The following LRRC8D variants were observed in gnomAD, a reference collection of about 807,000 sequenced individuals.
LRRC8D encodes volume-regulated anion channel subunit LRRC8D.
In LRRC8D, 20 loss-of-function variants were observed where a neutral mutation model predicts 55.8. The ratio of observed to expected loss-of-function variants is 0.36; its 90% CI spans 0.25 to 0.52. The LOEUF (loss-of-function observed/expected upper bound fraction) is 0.52. Ranked by LOEUF, LRRC8D falls within the 20% of genes least tolerant of loss-of-function variation. The pLI is 0.93. For synonymous variants in LRRC8D, 352 were observed against 377.0 expected, an observed-to-expected ratio of 0.93 and a Z score of 0.77; for missense variants, 651 against 1,030.8, an observed-to-expected ratio of 0.63 and a Z score of 5.05.
intron 2 of LRRC8D, among the ~76,000 whole-genome samples, chr1:89,865,804 C>T (rs1465838422): frequency 6.6e-6 from 1 of 152,142 alleles, no homozygotes; most frequent in Non-Finnish European, 1.5e-5. Context: ...GACATCAACT[C>T]CAAATATATA....
intron 2 of LRRC8D, among the ~76,000 whole-genome samples, chr1:89,884,127 G>A (rs527782495): frequency 4.6e-5 from 7 of 152,262 alleles, no homozygotes; most frequent in African/African-American, 1.4e-4. Flanking sequence ...TTGTTTGAAC[G>A]GCATCTAGTC....
intron 2 of LRRC8D, among the ~76,000 whole-genome samples, chr1:89,863,649 G>C (rs1419345233): frequency 7.6e-6 from 1 of 131,588 alleles, no homozygotes; most frequent in East Asian, 2.0e-4. Context: ...TATTTTCTGT[G>C]GTCTGTGTTA....
intron 2 of LRRC8D, among the ~76,000 whole-genome samples, chr1:89,855,077 G>A (rs1661519393): frequency 6.6e-6 from 1 of 152,050 alleles, no homozygotes; most frequent in Non-Finnish European, 1.5e-5. Context: ...CTCTCTGGTT[G>A]CATTTTCTTT....
At chr1:89,857,382 CAAAAA>C (rs759975883) in intron 2 of LRRC8D, among the ~76,000 whole-genome samples, 6 of 63,042 alleles carry the variant, frequency 9.5e-5, no homozygotes, top group Admixed American at 5.3e-4. Context: ...AACTCCATCT[CAAAAA>C]AAAAAAAAAA....
chr1:89,914,276 C>T (rs1403797763), intron 2 of LRRC8D, among the ~76,000 whole-genome samples: 2 of 152,176 alleles, frequency 1.3e-5, no homozygotes, highest in Admixed American at 6.6e-5. Context: ...CAAGCCCACG[C>T]CCACCCGGAA....
At chr1:89,835,146 A>G (rs923533640) in intron 1 of LRRC8D, among the ~76,000 whole-genome samples, 3 of 152,108 alleles carry the variant, frequency 2.0e-5, no homozygotes, top group Non-Finnish European at 4.4e-5. Context: ...CTCCACCCCC[A>G]TGATTTCAGT....
chr1:89,913,867 C>T (rs1663190607), intron 2 of LRRC8D, among the ~76,000 whole-genome samples: 1 of 152,146 alleles, frequency 6.6e-6, no homozygotes, highest in African/African-American at 2.4e-5. Flanking sequence ...ACATGCTTGC[C>T]GACATGCAGA....
At chr1:89,860,380 A>T (rs1284526826) in intron 2 of LRRC8D, among the ~76,000 whole-genome samples, 2 of 152,158 alleles carry the variant, frequency 1.3e-5, no homozygotes, top group Non-Finnish European at 2.9e-5. Flanking sequence ...CCATGAAGTA[A>T]CTAACCAAAG....
At chr1:89,879,259 G>A (rs1662221030) in intron 2 of LRRC8D, among the ~76,000 whole-genome samples, 1 of 152,230 alleles carries the variant, frequency 6.6e-6, no homozygotes, top group African/African-American at 2.4e-5. Flanking sequence ...GTTTGGGGAT[G>A]CAGCTTGCAA....
intron 1 of LRRC8D, among the ~76,000 whole-genome samples, chr1:89,841,299 G>T (rs1661125502): frequency 6.6e-6 from 1 of 152,078 alleles, no homozygotes; most frequent in African/African-American, 2.4e-5. Context: ...GAAGGCCATG[G>T]TCATCTGGGT....
At chr1:89,825,108 T>C (rs112288787) in intron 1 of LRRC8D, among the ~76,000 whole-genome samples, 102 of 152,248 alleles carry the variant, frequency 6.7e-4, no homozygotes, top group South Asian at 1.7e-3. Context: ...GCCTTTGACA[T>C]TTTTGAATTT....
At chr1:89,921,603 G>C (rs1557484912) in intron 2 of LRRC8D, among the ~76,000 whole-genome samples, 1 of 152,046 alleles carries the variant, frequency 6.6e-6, no homozygotes, top group Admixed American at 6.6e-5. Context: ...GGAGTGCAAT[G>C]GCACAATCTC....
chr1:89,889,249 C>T (rs1451316893), intron 2 of LRRC8D, among the ~76,000 whole-genome samples: 1 of 152,072 alleles, frequency 6.6e-6, no homozygotes, highest in African/African-American at 2.4e-5. Context: ...GGTGGTCATT[C>T]TATAAAATAC....
chr1:89,857,186 C>T (rs1330570464), intron 2 of LRRC8D, among the ~76,000 whole-genome samples: 1 of 151,706 alleles, frequency 6.6e-6, no homozygotes, highest in East Asian at 1.9e-4. Flanking sequence ...AGTTCAAGAC[C>T]AGCCTGACCA....
At position 89,935,316 on chromosome 1, in the gene LRRC8D, T is replaced by C; in HGVS notation, c.2248T>C (p.Leu750=). 3 of 1,614,146 alleles carry C rather than the reference T, an allele frequency of 1.9e-6. No individual in the cohort carries two copies. Among genetic ancestry groups the C allele is most frequent in the Non-Finnish European group, 1.7e-6 (2 of 1,179,940 alleles). The change falls in exon 3 of 3, where the codon TTG becomes CTG. Residue 750 remains leucine, a synonymous_variant. Coordinates refer to ENST00000337338, the MANE Select transcript of LRRC8D (RefSeq NM_001134479.2). Reference sequence around the variant, plus strand: ...TTCAATGATTCCAATAGAAATAGGATTGCTTCAGAACCTGCAGCATTTGCA... The same window carrying C: ...TTCAATGATTCCAATAGAAATAGGACTGCTTCAGAACCTGCAGCATTTGCA... ...NISMIPIEIG[L]LQNLQHLHIT...
intron 1 of LRRC8D, 53 bp downstream of exon 1, chr1:89,821,344 C>G (rs1660624504): frequency 1.3e-5 from 2 of 152,130 alleles, no homozygotes; most frequent in South Asian, 4.1e-4. Flanking sequence ...GAAGGCGACG[C>G]GCAGGTGGAG....
At chr1:89,917,986 A>T (rs1162958178) in intron 2 of LRRC8D, among the ~76,000 whole-genome samples, 1 of 152,298 alleles carries the variant, frequency 6.6e-6, no homozygotes, top group South Asian at 2.1e-4. Context: ...ATATGTCTGA[A>T]TTTACTCCCC....
At chr1:89,824,448 C>G (rs1381513833) in intron 1 of LRRC8D, among the ~76,000 whole-genome samples, 1 of 152,056 alleles carries the variant, frequency 6.6e-6, no homozygotes, top group South Asian at 2.1e-4. Context: ...TTAGAGGGGC[C>G]CTATCCAATT....
chr1:89,872,852 A>G (rs1019717264), intron 2 of LRRC8D, among the ~76,000 whole-genome samples: 3 of 152,210 alleles, frequency 2.0e-5, no homozygotes, highest in African/African-American at 4.8e-5. Context: ...CAAAGCTTTC[A>G]TGAATGCTTT....
Sources: allele counts gnomAD v4.1 joint callset (sites outside exome capture counted in the v4.1 genomes callset), GRCh38; gene constraint gnomAD v4.1.1; transcripts MANE v1.5; gene names NCBI Gene and HGNC (gene_info 2026-07-23, HGNC 2026-07-21).